PDK1: variants seen among roughly 807,000 people sequenced by gnomAD.
PDK1 encodes the protein pyruvate dehydrogenase kinase 1.
PDK1 carries 39 observed loss-of-function variants against 54.2 expected under a neutral mutation model. That is an observed-to-expected ratio of 0.72 (90% confidence interval 0.56 to 0.94). The LOEUF (loss-of-function observed/expected upper bound fraction) is 0.94, where lower values mean the gene tolerates loss of function less well. PDK1 is among the 40% of genes least tolerant of loss of function. PDK1 has a pLI of 0.00. For synonymous variants in PDK1, 221 were observed against 207.1 expected (o/e 1.07, Z -0.58); for missense variants, 552 against 566.0 (o/e 0.98, Z 0.25).
At chr2:172,667,388 C>T in the PDK1 span, among the ~76,000 whole-genome samples, 1 of 152,258 alleles carries the variant, frequency 6.6e-6, no homozygotes, top group East Asian at 1.9e-4. Context: ...TTGCCTGGTA[C>T]CTGGCCCAGG....
At chr2:172,666,736 G>A in the PDK1 span, among the ~76,000 whole-genome samples, 2 of 152,182 alleles carry the variant, frequency 1.3e-5, no homozygotes, top group Admixed American at 1.3e-4. Context: ...CAGAGCAGGT[G>A]ATAGAGGCTA....
the PDK1 span, chr2:172,674,932 T>C: frequency 6.6e-6 from 1 of 152,262 alleles, no homozygotes; most frequent in Non-Finnish European, 1.5e-5. Context: ...TCCAACAGCA[T>C]GTGCTCGCTT....
chr2:172,602,876 C>G lies in PDK1; in HGVS notation c.*6907C>G, dbSNP rs534700690. The G allele has an allele frequency of 6.6e-6, 1 of 152,150 alleles. No homozygotes were observed. The highest frequency in any genetic ancestry group is 1.5e-5 in the Non-Finnish European group (1 of 68,020). 9.4% of individuals were successfully genotyped at this position (152,150 alleles called of 1,614,324 possible). A position where few individuals can be genotyped will look rare whatever the true frequency, so the allele number is the denominator to read the frequency against. ...GACCAACAAAAGCAACAAATAGGAACAACCACCCATTAAGAACCATCAGGT... is the reference window on the plus strand; with the variant it reads ...GACCAACAAAAGCAACAAATAGGAAGAACCACCCATTAAGAACCATCAGGT... On this transcript the variant is annotated 3_prime_UTR_variant, in exon 11 of 11. Coordinates refer to ENST00000282077, the MANE Select transcript of PDK1 (RefSeq NM_002610.5).
In PDK1 at chr2:172,608,065, G is replaced by C. The variant is rs564623224; in HGVS notation, c.*12096G>C. 3 of 152,134 alleles carry C rather than the reference G, an allele frequency of 2.0e-5. No individual in the cohort carries two copies. The highest frequency in any genetic ancestry group is 3.2e-3 in the Middle Eastern group (1 of 316). 9.4% of individuals were successfully genotyped at this position (152,134 alleles called of 1,614,324 possible). The stretch of plus-strand genomic sequence containing the variant: ...TTAGTTAATACTTGACTGACATTGA[G>C]ACCCTTGATGCAAAAAGGTAAGTAG... On this transcript the variant is annotated 3_prime_UTR_variant, in exon 11 of 11. Coordinates refer to ENST00000282077, the MANE Select transcript of PDK1 (RefSeq NM_002610.5).
intron 10 of PDK1, among the ~76,000 whole-genome samples, chr2:172,593,504 T>C (rs985479193): frequency 6.6e-6 from 1 of 152,244 alleles, no homozygotes; most frequent in South Asian, 2.1e-4. Context: ...TTTGGACTTT[T>C]ATGCAGTCCT....
In PDK1 at chr2:172,600,686, G is replaced by A. The variant is rs889311005; in HGVS notation, c.*4717G>A. On this transcript the variant is annotated 3_prime_UTR_variant, in exon 11 of 11. Coordinates refer to ENST00000282077, the MANE Select transcript of PDK1 (RefSeq NM_002610.5). The stretch of plus-strand genomic sequence containing the variant: ...TGTCAGGGTTTTTATAAATGGGCTA[G>A]TGAGGAGGGGGCTCATGAGGAGGGG... 1.3e-5 allele frequency: 2 copies of A among 152,314 alleles called. No individual in the cohort carries two copies. The highest frequency in any genetic ancestry group is 4.8e-5 in the African/African-American group (2 of 41,450). The allele number at this position is 152,314 out of a possible 1,614,324, so 9.4% of individuals were successfully genotyped here.
the PDK1 span, among the ~76,000 whole-genome samples, chr2:172,651,128 C>T: frequency 6.6e-6 from 1 of 152,170 alleles, no homozygotes; most frequent in Non-Finnish European, 1.5e-5. Flanking sequence ...AACTGTCTCT[C>T]AGACCACAGT....
the PDK1 span, among the ~76,000 whole-genome samples, chr2:172,718,935 A>G: frequency 6.6e-6 from 1 of 152,248 alleles, no homozygotes; most frequent in African/African-American, 2.4e-5. Flanking sequence ...CACTACATTC[A>G]AGATATTGAA....
the PDK1 span, among the ~76,000 whole-genome samples, chr2:172,714,528 A>G: frequency 3.6e-4 from 54 of 152,058 alleles, no homozygotes; most frequent in Admixed American, 2.5e-3. Flanking sequence ...TTATTGATAA[A>G]GCTGAGTGGT....
At chr2:172,560,383 G>T (rs558429789) in intron 2 of PDK1, among the ~76,000 whole-genome samples, 2 of 152,276 alleles carry the variant, frequency 1.3e-5, no homozygotes, top group African/African-American at 4.8e-5. Flanking sequence ...GCCCAGGCAG[G>T]TTGTGAACTC....
chr2:172,583,914 C>A (rs1690065672), intron 8 of PDK1, among the ~76,000 whole-genome samples: 1 of 151,934 alleles, frequency 6.6e-6, no homozygotes, highest in South Asian at 2.1e-4. Flanking sequence ...GCAGTAAAAT[C>A]AATTCAGATT....
At chr2:172,589,238 A>G (rs1014527296) in intron 9 of PDK1, among the ~76,000 whole-genome samples, 1 of 152,252 alleles carries the variant, frequency 6.6e-6, no homozygotes. Context: ...TGTATCGCTC[A>G]GAGTCACAAC....
the PDK1 span, among the ~76,000 whole-genome samples, chr2:172,681,271 C>T: frequency 0.056 from 8,570 of 152,230 alleles, 1,011 homozygotes; most frequent in East Asian, 0.54. Context: ...TACATAATGC[C>T]GCCCCAGTCC....
chr2:172,658,378 G>A, the PDK1 span, among the ~76,000 whole-genome samples: 16 of 152,152 alleles, frequency 1.1e-4, no homozygotes, highest in South Asian at 6.2e-4. Flanking sequence ...TGTTATCTTC[G>A]TAAGCTGAGG....
chr2:172,559,977 G>T (rs1239879806), intron 2 of PDK1, among the ~76,000 whole-genome samples: 1 of 152,184 alleles, frequency 6.6e-6, no homozygotes, highest in African/African-American at 2.4e-5. Flanking sequence ...CTCCTGAGTA[G>T]CTGGGACCAC....
At chr2:172,657,963 A>G in the PDK1 span, among the ~76,000 whole-genome samples, 1 of 152,202 alleles carries the variant, frequency 6.6e-6, no homozygotes, top group South Asian at 2.1e-4. Flanking sequence ...GTGAAGGGGA[A>G]CTGGCATGTG....
chr2:172,597,595 A>T lies in PDK1; in HGVS notation c.*1626A>T, dbSNP rs1318582258. The T allele has an allele frequency of 6.6e-6, 1 of 152,194 alleles. No homozygotes were observed. Among genetic ancestry groups the T allele is most frequent in the East Asian group, 1.9e-4 (1 of 5,198 alleles). 9.4% of individuals were successfully genotyped at this position (152,194 alleles called of 1,614,324 possible). A position where few individuals can be genotyped will look rare whatever the true frequency, so the allele number is the denominator to read the frequency against. On this transcript the variant is annotated 3_prime_UTR_variant, in exon 11 of 11. Transcript: ENST00000282077. Reference sequence around the variant, plus strand: ...AAAGCGATACAGTGTAGGTGGTATCATTCTCTTTCTCACTCAGTGTGGCCC... The same window carrying T: ...AAAGCGATACAGTGTAGGTGGTATCTTTCTCTTTCTCACTCAGTGTGGCCC...
chr2:172,591,442 C>T (rs1324496791), intron 9 of PDK1, among the ~76,000 whole-genome samples: 1 of 152,104 alleles, frequency 6.6e-6, no homozygotes, highest in African/African-American at 2.4e-5. Context: ...TAGGCCTTGG[C>T]GGTTTTGGAG....
chr2:172,700,787 C>T, the PDK1 span, among the ~76,000 whole-genome samples: 10 of 152,162 alleles, frequency 6.6e-5, no homozygotes, highest in East Asian at 1.9e-4. Flanking sequence ...AGATCACTCG[C>T]GGTCAGGAGC....
Sources: gnomAD v4.1 joint callset for allele counts (sites outside exome capture counted in the v4.1 genomes callset) on GRCh38, gnomAD v4.1.1 for gene constraint, MANE v1.5 for transcripts, NCBI Gene and HGNC (gene_info 2026-07-23, HGNC 2026-07-21) for gene names.